Variants in SRP72 observed in about 807,000 individuals in gnomAD.
The protein encoded by SRP72 is signal recognition particle subunit SRP72.
In SRP72, 49 loss-of-function variants were observed where a neutral mutation model predicts 96.3. The observed-to-expected ratio is 0.51, with a 90% CI of 0.40 to 0.65. SRP72 has a LOEUF of 0.65. Among genes scored for constraint, SRP72 ranks in the 30% least tolerant of loss-of-function variants. The pLI is 0.00. For missense variants in SRP72, 736 were observed against 793.3 expected (o/e 0.93, Z 0.87); for synonymous variants, 267 against 275.2 (o/e 0.97, Z 0.30).
At chr4:56,478,059 C>T (rs529033914) in intron 6 of SRP72, among the ~76,000 whole-genome samples, 6 of 151,766 alleles carry the variant, frequency 4.0e-5, no homozygotes, top group African/African-American at 1.4e-4. Flanking sequence ...TTTTTACTTA[C>T]GTTTTTTAAT....
At chr4:56,486,252 A>G in intron 10 of SRP72, 73 bp from the exon 11 acceptor site, 1 of 1,036,944 alleles carries the variant, frequency 9.6e-7, no homozygotes, top group South Asian at 1.9e-5. Flanking sequence ...TTATGTAGCT[A>G]AGTAATTGTA....
At chr4:56,472,539 G>A (rs1205669607) in intron 3 of SRP72, among the ~76,000 whole-genome samples, 2 of 151,852 alleles carry the variant, frequency 1.3e-5, no homozygotes, top group Non-Finnish European at 2.9e-5. Flanking sequence ...TAGAGATGGG[G>A]TTATGCCATG....
intron 17 of SRP72, among the ~76,000 whole-genome samples, chr4:56,496,343 C>T (rs977674656): frequency 2.6e-5 from 4 of 152,170 alleles, no homozygotes; most frequent in Non-Finnish European, 5.9e-5. Flanking sequence ...TTTCTTCTGT[C>T]TTCCTTTAAT....
At chr4:56,498,716 A>T (rs1378424388) in intron 17 of SRP72, among the ~76,000 whole-genome samples, 1 of 152,224 alleles carries the variant, frequency 6.6e-6, no homozygotes, top group Non-Finnish European at 1.5e-5. Context: ...CTAACAAGGG[A>T]TGTGAAGGAC....
intron 5 of SRP72, 95 bp downstream of exon 5, chr4:56,474,486 A>C (rs889770397): frequency 9.3e-7 from 1 of 1,072,376 alleles, no homozygotes; most frequent in African/African-American, 1.6e-5. Context: ...GAAATTATTA[A>C]ATGGAAGTTA....
intron 8 of SRP72, among the ~76,000 whole-genome samples, chr4:56,479,370 G>A (rs892870894): frequency 4.0e-5 from 6 of 151,586 alleles, no homozygotes; most frequent in African/African-American, 1.2e-4. Context: ...TAGTAGAGAC[G>A]GGGTTTCACC....
intron 8 of SRP72, among the ~76,000 whole-genome samples, chr4:56,480,236 T>C (rs1241127249): frequency 1.3e-5 from 2 of 152,142 alleles, no homozygotes; most frequent in African/African-American, 4.8e-5. Flanking sequence ...CCTGCCTATG[T>C]TTATGAATTT....
chr4:56,491,533 A>G lies in SRP72; in HGVS notation c.1605A>G (p.Gly535=). 6.2e-7 allele frequency: 1 copy of G among 1,613,902 alleles called. No homozygotes were observed. The highest frequency in any genetic ancestry group is 8.5e-7 in the Non-Finnish European group (1 of 1,179,860). ...AGATYIRKKG[G]KVTGDSQPKE... is the part of the protein sequence containing the mutation. ...CTACATACATTCGGAAGAAGGGTGG[A>G]AAAGTTACTGGAGATAGTCAACCAA... is the stretch of plus-strand genomic sequence containing the variant. Residue 535 remains glycine, a synonymous_variant, in exon 16 of 19, where the codon GGA becomes GGG. Coordinates refer to ENST00000642900, the MANE Select transcript of SRP72 (RefSeq NM_006947.4).
chr4:56,484,805 A>G lies in SRP72; in HGVS notation c.1027A>G (p.Ile343Val), dbSNP rs930431736. The change falls in exon 10 of 19, where the codon ATC becomes GTC. Residue 343 changes from isoleucine to valine, a missense_variant. By Grantham distance (29) the Ile-to-Val change is conservative. Around this residue, in one of 3 missense-constraint regions of SRP72, gnomAD observed 388 missense variants for 431.8 expected, o/e 0.90. Transcript: ENST00000642900. Reference sequence around the variant, plus strand: ...TCCCGAGCATCTCTTACCTGTGTTAATCCAAGCTGCCCAGCTCTGCCGTGA... The same window carrying G: ...TCCCGAGCATCTCTTACCTGTGTTAGTCCAAGCTGCCCAGCTCTGCCGTGA... ...QSPEHLLPVLIQAAQLCREKQ... is the reference protein window; with the variant it reads ...QSPEHLLPVLVQAAQLCREKQ... 2 of 1,614,042 alleles carry G rather than the reference A, an allele frequency of 1.2e-6. No individual in the cohort carries two copies. The highest frequency in any genetic ancestry group is 2.7e-5 in the African/African-American group (2 of 74,922).
intron 13 of SRP72, 51 bp from the exon 14 acceptor site, chr4:56,490,282 T>G (rs769499266): frequency 1.4e-6 from 2 of 1,435,674 alleles, no homozygotes; most frequent in Non-Finnish European, 1.9e-6. Flanking sequence ...CTGCATGCAC[T>G]TGCTAGATAT....
intron 1 of SRP72, among the ~76,000 whole-genome samples, chr4:56,467,991 G>A (rs1190341270): frequency 1.3e-5 from 2 of 152,236 alleles, no homozygotes; most frequent in Admixed American, 1.3e-4. Context: ...TACCCTCCGC[G>A]GGAAGCGAGG....
At chr4:56,468,005 G>A (rs1218590675) in intron 1 of SRP72, among the ~76,000 whole-genome samples, 2 of 152,242 alleles carry the variant, frequency 1.3e-5, no homozygotes, top group East Asian at 1.9e-4. Context: ...AGCGAGGGAA[G>A]GTTTTAAAGA....
intron 5 of SRP72, among the ~76,000 whole-genome samples, chr4:56,475,097 T>G (rs961660061): frequency 6.6e-6 from 1 of 152,228 alleles, no homozygotes. Context: ...ATAAAAGTGA[T>G]GTAGGTACTG....
chr4:56,492,282 G>T (rs150074529), intron 16 of SRP72, among the ~76,000 whole-genome samples: 131 of 152,132 alleles, frequency 8.6e-4, no homozygotes, highest in African/African-American at 2.8e-3. Flanking sequence ...TTACCTTTTA[G>T]TTATTGTTGT....
At chr4:56,493,023 C>A (rs1418512644) in intron 16 of SRP72, among the ~76,000 whole-genome samples, 1 of 151,982 alleles carries the variant, frequency 6.6e-6, no homozygotes, top group Non-Finnish European at 1.5e-5. Flanking sequence ...TTTAAATAAT[C>A]TTTGTTTCTT....
intron 18 of SRP72, among the ~76,000 whole-genome samples, chr4:56,501,165 T>G (rs920153335): frequency 2.6e-5 from 4 of 152,190 alleles, no homozygotes; most frequent in African/African-American, 9.6e-5. Context: ...CCCAGCACTT[T>G]GGGAGGCCAA....
intron 13 of SRP72, among the ~76,000 whole-genome samples, chr4:56,489,988 G>A (rs12649799): frequency 6.6e-6 from 1 of 152,094 alleles, no homozygotes; most frequent in Non-Finnish European, 1.5e-5. Context: ...CAGTGGAGGG[G>A]TATCAGTGCT....
In SRP72 at chr4:56,479,514, TC is replaced by T. The variant is rs1306700745; in HGVS notation, c.825+866del. Among the ~76,000 whole-genome samples, 8 of 150,828 alleles carry T rather than the reference TC, an allele frequency of 5.3e-5. No individual in the cohort carries two copies. The East Asian group carries it at 1.4e-3, about 26-fold the overall frequency. On this transcript the variant is annotated intron_variant, in intron 8 of 18. Coordinates refer to ENST00000642900, the MANE Select transcript of SRP72 (RefSeq NM_006947.4). ...TAATGGAAAAAGCTTTATTTTTCTT[TC>T]TTTCTTTTTTTTTTTTTTTTTGAGA...
At chr4:56,494,889 C>T (rs1024660802) in intron 16 of SRP72, among the ~76,000 whole-genome samples, 3 of 152,140 alleles carry the variant, frequency 2.0e-5, no homozygotes, top group African/African-American at 7.2e-5. Context: ...TGTCTACCCA[C>T]CTCCCTCCCA....
Sources: gnomAD v4.1 joint callset for allele counts (sites outside exome capture counted in the v4.1 genomes callset) on GRCh38, gnomAD v4.1.1 for gene constraint, gnomAD v4.1.1 regional missense constraint, MANE v1.5 for transcripts, NCBI Gene and HGNC (gene_info 2026-07-23, HGNC 2026-07-21) for gene names.